Variants in TBC1D30 observed in about 807,000 individuals in gnomAD.
TBC1D30 encodes the protein TBC1 domain family, member 30.
TBC1D30 carries 31 observed loss-of-function variants against 63.2 expected under a neutral mutation model. The ratio of observed to expected loss-of-function variants is 0.49; its 90% CI spans 0.37 to 0.66. The LOEUF (loss-of-function observed/expected upper bound fraction) is 0.66. Among genes scored for constraint, TBC1D30 ranks in the 30% least tolerant of loss-of-function variants. TBC1D30 has a pLI of 0.00. For synonymous variants in TBC1D30, 307 were observed against 361.5 expected, an observed-to-expected ratio of 0.85 and a Z score of 1.71; for missense variants, 810 against 953.6, an observed-to-expected ratio of 0.85 and a Z score of 1.98.
intron 11 of TBC1D30, among the ~76,000 whole-genome samples, chr12:64,872,464 CAT>C (rs1233632584): frequency 6.6e-6 from 1 of 152,176 alleles, no homozygotes; most frequent in Non-Finnish European, 1.5e-5. Flanking sequence ...TTCTTCAGAT[CAT>C]GGTTGATGGT....
intron 8 of TBC1D30, among the ~76,000 whole-genome samples, chr12:64,845,453 G>A (rs142404591): frequency 0.019 from 2,824 of 152,238 alleles, 34 homozygotes; most frequent in African/African-American, 0.026. Context: ...GGGGCTGAGC[G>A]CGGTGGCTCA....
At chr12:64,782,998 G>C (rs1871368928) in intron 1 of TBC1D30, among the ~76,000 whole-genome samples, 1 of 152,172 alleles carries the variant, frequency 6.6e-6, no homozygotes, top group South Asian at 2.1e-4. Context: ...ACAGCTGTCT[G>C]CGTAAAGAAT....
At position 64,864,786 on chromosome 12, in the gene TBC1D30, G is replaced by GT; in HGVS notation, c.1151+11dup. ...AAACCCACCTCAGTTTCTGGGTAAG[G>GT]TTTTTAAATTCCTTGTTGTTTTCAT... On this transcript the variant is annotated splice_region_variant and intron_variant, in intron 9 of 11. Coordinates refer to ENST00000539867, the MANE Select transcript of TBC1D30 (RefSeq NM_015279.2). The GT allele has an allele frequency of 6.6e-7, 1 of 1,523,218 alleles. No individual in the cohort carries two copies. Among genetic ancestry groups the GT allele is most frequent in the Non-Finnish European group, 8.8e-7 (1 of 1,135,970 alleles). The allele number at this position is 1,523,218 out of a possible 1,614,324, so 94.4% of individuals were successfully genotyped here. A position where few individuals can be genotyped will look rare whatever the true frequency, so the allele number is the denominator to read the frequency against.
chr12:64,791,348 T>A (rs1039936092), intron 2 of TBC1D30, among the ~76,000 whole-genome samples: 7 of 152,208 alleles, frequency 4.6e-5, no homozygotes, highest in Admixed American at 1.3e-4. Flanking sequence ...GTGGTGATGG[T>A]TGTACAATTT....
rs577756141 is a variant in TBC1D30, at chr12:64,780,520, G to C, written c.-289G>C. Among the ~76,000 whole-genome samples, 328 of 152,346 alleles carry C rather than the reference G, an allele frequency of 2.2e-3. 2 individuals carry two copies. The highest frequency in any genetic ancestry group is 7.6e-3 in the African/African-American group (316 of 41,594). Reference sequence around the variant, plus strand: ...CAACGGTGTTCTGGCCACGTCCTGCGCCTTCTCGCGCACGGGAGAGCGCTC... The same window carrying C: ...CAACGGTGTTCTGGCCACGTCCTGCCCCTTCTCGCGCACGGGAGAGCGCTC... On this transcript the variant is annotated 5_prime_UTR_variant, in exon 1 of 13. Transcript: ENST00000542120.
Position 64,830,339 on chromosome 12 carries a change from C to T in TBC1D30, c.283-38C>T, listed in dbSNP as rs1433963076. On this transcript the variant is annotated intron_variant, in intron 3 of 11. Coordinates refer to ENST00000539867, the MANE Select transcript of TBC1D30 (RefSeq NM_015279.2). ...TCTAATAAAGGTGAAGTTATATATT[C>T]TACTTTGGCATTCTCCTTTGTCTAT... 12 of 1,491,738 alleles carry T rather than the reference C, an allele frequency of 8.0e-6. No homozygotes were observed. The East Asian group carries it at 3.0e-4, about 37-fold the overall frequency. 92.4% of individuals were successfully genotyped at this position (1,491,738 alleles called of 1,614,324 possible).
intron 3 of TBC1D30, 78 bp downstream of exon 3, chr12:64,828,587 A>G (rs1342606193): frequency 2.1e-6 from 2 of 940,740 alleles, no homozygotes; most frequent in East Asian, 2.6e-5. Context: ...GTCAAAAAAT[A>G]TATTCTAGGT....
chr12:64,781,311 C>T (rs938162013), intron 1 of TBC1D30: 12 of 1,087,086 alleles, frequency 1.1e-5, no homozygotes, highest in Admixed American at 5.7e-5. Flanking sequence ...CAGCAGGGTC[C>T]CGGGGGCTTC....
At chr12:64,840,076 A>G (rs1340105315) in intron 7 of TBC1D30, among the ~76,000 whole-genome samples, 18 of 150,198 alleles carry the variant, frequency 1.2e-4, no homozygotes. Flanking sequence ...TATTGTGTGT[A>G]TTTTTAAACA....
chr12:64,840,589 T>C (rs900606263), intron 7 of TBC1D30, among the ~76,000 whole-genome samples: 1 of 152,244 alleles, frequency 6.6e-6, no homozygotes, highest in African/African-American at 2.4e-5. Flanking sequence ...TCATGTATTC[T>C]TCATCATCCT....
intron 1 of TBC1D30, among the ~76,000 whole-genome samples, chr12:64,825,852 C>T (rs1874288503): frequency 2.0e-5 from 3 of 152,284 alleles, no homozygotes; most frequent in African/African-American, 7.2e-5. Flanking sequence ...GGAGTGGCAC[C>T]GGCTGCGTTC....
intron 2 of TBC1D30, among the ~76,000 whole-genome samples, chr12:64,814,606 T>C (rs118035007): frequency 0.011 from 1,723 of 152,306 alleles, 10 homozygotes; most frequent in South Asian, 0.025. Context: ...GCATATCTGA[T>C]TGATGCTGGC....
At chr12:64,792,998 T>C (rs1033849682) in intron 2 of TBC1D30, among the ~76,000 whole-genome samples, 19 of 152,094 alleles carry the variant, frequency 1.2e-4, no homozygotes, top group Non-Finnish European at 1.6e-4. Context: ...TGCTTTGGCC[T>C]ACTTCTAGGA....
At chr12:64,775,500 A>T (rs1871050092) in intron 1 of TBC1D30, among the ~76,000 whole-genome samples, 1 of 152,200 alleles carries the variant, frequency 6.6e-6, no homozygotes, top group Non-Finnish European at 1.5e-5. Context: ...AACAAAACAA[A>T]CTTTAAACCA....
chr12:64,759,873 A>G (rs1156698062), intron 1 of TBC1D30, among the ~76,000 whole-genome samples: 2 of 152,222 alleles, frequency 1.3e-5, no homozygotes, highest in African/African-American at 4.8e-5. Flanking sequence ...CCCCAAGTCG[A>G]CGGGCACTTA....
At chr12:64,849,235 C>T (rs1343440494) in intron 8 of TBC1D30, among the ~76,000 whole-genome samples, 1 of 152,144 alleles carries the variant, frequency 6.6e-6, no homozygotes, top group East Asian at 1.9e-4. Flanking sequence ...TGCCTGTTTG[C>T]TCTAATGATA....
chr12:64,875,276 A>T lies in TBC1D30; in HGVS notation c.1774A>T (p.Ile592Leu). 1 of 1,536,312 alleles carries T rather than the reference A, an allele frequency of 6.5e-7. No individual in the cohort carries two copies. Among genetic ancestry groups the T allele is most frequent in the Admixed American group, 2.0e-5 (1 of 51,008 alleles). The stretch of plus-strand genomic sequence containing the variant: ...GGGCTGTGGGGACACCGTAGGGCTG[A>T]TAGATGAGCAGAACGAGGCCAGCAA... ...HPGCGDTVGL[I>L]DEQNEASKTN... Residue 592 changes from isoleucine (I) to leucine (L), a missense_variant, in exon 12 of 12, where the codon ATA (isoleucine) becomes TTA (leucine). By Grantham distance (5) the Ile-to-Leu change is conservative (BLOSUM62 2). This residue lies in a region of TBC1D30 where 450 missense variants were observed against 473.0 expected (regional missense o/e 0.95). Transcript: ENST00000539867.
intron 4 of TBC1D30, among the ~76,000 whole-genome samples, chr12:64,830,880 C>G (rs1407188928): frequency 6.6e-6 from 1 of 152,134 alleles, no homozygotes; most frequent in Admixed American, 6.5e-5. Context: ...TTATTAGGGT[C>G]TTTGATAGTT....
At chr12:64,778,549 C>CTTTTTT (rs34519163), upstream of TBC1D30, among the ~76,000 whole-genome samples, 4 of 78,852 alleles carry the variant, frequency 5.1e-5, no homozygotes, top group Admixed American at 1.4e-4. Flanking sequence ...ACAGAGAAGC[C>CTTTTTT]TTTTTTTTTT....
Sources: allele counts gnomAD v4.1 joint callset (sites outside exome capture counted in the v4.1 genomes callset), GRCh38; gene constraint gnomAD v4.1.1; regional missense constraint gnomAD v4.1.1; transcripts MANE v1.5; gene names NCBI Gene and HGNC (gene_info 2026-07-23, HGNC 2026-07-21).